LRR1: variants seen among roughly 807,000 people sequenced by gnomAD.
The protein encoded by LRR1 is leucine-rich repeat protein 1.
LRR1 carries 29 observed loss-of-function variants against 31.6 expected under a neutral mutation model. The observed-to-expected ratio is 0.92, with a 90% confidence interval of 0.68 to 1.25. The LOEUF (loss-of-function observed/expected upper bound fraction) is 1.25, where lower values mean the gene tolerates loss of function less well. Ranked by LOEUF, LRR1 falls within the 50% of genes most tolerant of loss-of-function variation. LRR1 has a pLI of 0.00. For missense variants in LRR1, 485 were observed against 487.2 expected, an observed-to-expected ratio of 1.00 and a Z score of 0.04; for synonymous variants, 179 against 181.4, an observed-to-expected ratio of 0.99 and a Z score of 0.10.
Position 49,602,442 on chromosome 14 carries a change from C to G in LRR1, c.256C>G (p.Pro86Ala), listed in dbSNP as rs183973680. The change falls in exon 2 of 4, where the codon CCT becomes GCT. Residue 86 changes from proline to alanine, a missense_variant. By Grantham distance (27) the Pro-to-Ala change is conservative. Transcript: ENST00000298288. ...GAAAGCCACTGTTCGGTTAAAGGAGCCTCCTGTGGATATCTGTCTAAGTAA... is the reference window on the plus strand; with the variant it reads ...GAAAGCCACTGTTCGGTTAAAGGAGGCTCCTGTGGATATCTGTCTAAGTAA... ...EGKATVRLKEPPVDICLSKAI... is the reference protein window; with the variant it reads ...EGKATVRLKEAPVDICLSKAI... 5.0e-5 allele frequency: 80 copies of G among 1,613,432 alleles called. No homozygotes were observed. The highest frequency in any genetic ancestry group is 1.5e-4 in the Admixed American group (9 of 59,970).
At chr14:49,599,913 C>CCAGG in intron 1 of LRR1, 1 of 1,128,564 alleles carries the variant, frequency 8.9e-7, no homozygotes. Context: ...GGCGGACCCT[C>CCAGG]CAGGCGGGCT....
intron 3 of LRR1, 54 bp downstream of exon 3, chr14:49,608,175 C>A: frequency 1.4e-6 from 2 of 1,470,188 alleles, no homozygotes; most frequent in South Asian, 1.4e-5. Context: ...TCTAATATTC[C>A]TATCAAACTC....
At chr14:49,609,702 T>C (rs1334259406) in intron 3 of LRR1, among the ~76,000 whole-genome samples, 1 of 151,654 alleles carries the variant, frequency 6.6e-6, no homozygotes, top group African/African-American at 2.4e-5. Flanking sequence ...CCACCGCGCC[T>C]GGCCTTATTT....
intron 3 of LRR1, among the ~76,000 whole-genome samples, chr14:49,611,058 G>A (rs2139551962): frequency 6.6e-6 from 1 of 152,216 alleles, no homozygotes; most frequent in South Asian, 2.1e-4. Flanking sequence ...TGCATAAAAG[G>A]AACCTGGCTC....
Position 49,607,985 on chromosome 14 carries a change from G to A in LRR1, c.868G>A (p.Glu290Lys). 6.2e-7 allele frequency: 1 copy of A among 1,614,088 alleles called. No individual in the cohort carries two copies. The highest frequency in any genetic ancestry group is 8.5e-7 in the Non-Finnish European group (1 of 1,180,006). The part of the protein sequence containing the change: ...ARNKLPFLPS[E>K]FRNLSLEYLD... ...AAATAAGCTTCCATTTTTGCCTAGT[G>A]AATTTAGAAATTTATCCCTTGAATA... The change falls in exon 3 of 4, where the codon GAA becomes AAA. Residue 290 changes from glutamate to lysine, a missense_variant. Physicochemically the swap from Glu to Lys is moderately conservative, Grantham distance 56. Transcript: ENST00000298288.
intron 3 of LRR1, among the ~76,000 whole-genome samples, chr14:49,611,958 C>T (rs1379143811): frequency 6.6e-6 from 1 of 150,616 alleles, no homozygotes. Flanking sequence ...AGAAATTGTA[C>T]ATTGTATTTA....
In LRR1 at chr14:49,602,381, C is replaced by T. The variant is rs774095671; in HGVS notation, c.195C>T (p.Asn65=). The part of the protein sequence containing the change: ...KRGTRYELRE[N]IEQFFTKFVD... Reference sequence around the variant, plus strand: ...TTGGTTTTATGCAGCTAAGGGAGAACATTGAGCAATTCTTCACCAAATTTG... The same window carrying T: ...TTGGTTTTATGCAGCTAAGGGAGAATATTGAGCAATTCTTCACCAAATTTG... Residue 65 remains asparagine, a synonymous_variant, in exon 2 of 4, where the codon AAC becomes AAT. Transcript: ENST00000298288. 16 of 1,613,254 alleles carry T rather than the reference C, an allele frequency of 9.9e-6. 1 individual carries two copies. The Admixed American group carries it at 2.7e-4, about 27-fold the overall frequency.
intron 3 of LRR1, among the ~76,000 whole-genome samples, chr14:49,613,150 T>C (rs868733882): frequency 2.0e-5 from 3 of 151,792 alleles, no homozygotes; most frequent in Middle Eastern, 3.2e-3. Context: ...CCATCCTGGC[T>C]AACATGGTGA....
rs949082776 is a variant in LRR1 at position 49,606,649 on chromosome 14, A to T, written c.283-751A>T. 6.2e-5 allele frequency among the ~76,000 whole-genome samples: 9 copies of T among 145,208 alleles called. No individual in the cohort carries two copies. The East Asian group carries it at 1.9e-3, about 30-fold the overall frequency. ...TCACTACACCTGGCCTTAAACTCAA[A>T]TTTTTTTTTTTTTTTTTTAATTTTT... On this transcript the variant is annotated intron_variant, in intron 2 of 3. Coordinates refer to ENST00000298288, the MANE Select transcript of LRR1 (RefSeq NM_152329.4).
At position 49,607,844 on chromosome 14, in the gene LRR1, G is replaced by T; in HGVS notation, c.727G>T (p.Val243Leu). 1 of 1,613,990 alleles carries T rather than the reference G, an allele frequency of 6.2e-7. No individual in the cohort carries two copies. Among genetic ancestry groups the T allele is most frequent in the Non-Finnish European group, 8.5e-7 (1 of 1,179,938 alleles). The change falls in exon 3 of 4, where the codon GTG becomes TTG. Residue 243 changes from valine (V) to leucine (L), a missense_variant. By Grantham distance (32) the Val-to-Leu change is conservative. Around this residue, in one of 3 missense-constraint regions of LRR1, gnomAD observed 210 missense variants for 200.4 expected, o/e 1.05. Coordinates refer to ENST00000298288, the MANE Select transcript of LRR1 (RefSeq NM_152329.4). ...CAAGAACAAAATCAAGGCACTCCCT[G>T]TGCAGTTTTGCCAGCTCCAGGAACT... ...LSKNKIKALP[V>L]QFCQLQELKN...
chr14:49,603,218 TG>T (rs1341395148), intron 2 of LRR1, among the ~76,000 whole-genome samples: 8 of 69,638 alleles, frequency 1.1e-4, no homozygotes, highest in African/African-American at 4.3e-4. Flanking sequence ...GACAGACTCT[TG>T]CAGGTTTTTT....
Position 49,599,203 on chromosome 14 carries a change from G to T in LRR1, c.183G>T (p.Glu61Asp). Residue 61 changes from glutamate (E) to aspartate (D), a missense_variant and splice_region_variant, in exon 1 of 4, where the codon GAG becomes GAT. Glu to Asp is a conservative substitution (Grantham distance 45). Transcript: ENST00000298288. ...AGGACAAGCGCGGGACCCGCTATGA[G>T]GTGCGTGAAGTGGGCAGGCCCTGTC... ...TLKDKRGTRY[E>D]LRENIEQFFT... The T allele has an allele frequency of 6.2e-7, 1 of 1,602,868 alleles. No individual in the cohort carries two copies. The highest frequency in any genetic ancestry group is 8.5e-7 in the Non-Finnish European group (1 of 1,175,156).
chr14:49,603,433 A>G, intron 2 of LRR1: 1 of 219,400 alleles, frequency 4.6e-6, no homozygotes, highest in Non-Finnish European at 8.1e-6. Context: ...ACCACAGGTT[A>G]CAAATCTAAG....
At chr14:49,607,262 A>G in intron 2 of LRR1, 138 bp from the exon 3 acceptor site, 1 of 980,298 alleles carries the variant, frequency 1.0e-6, no homozygotes, top group Non-Finnish European at 1.4e-6. Flanking sequence ...AAAGTACTAA[A>G]AAAAAGTTTT....
chr14:49,604,269 C>T (rs762112609), intron 2 of LRR1, among the ~76,000 whole-genome samples: 1 of 152,054 alleles, frequency 6.6e-6, no homozygotes, highest in Non-Finnish European at 1.5e-5. Flanking sequence ...TGCACCACTG[C>T]ACTCCAACCT....
At chr14:49,603,997 C>A (rs938606179) in intron 2 of LRR1, among the ~76,000 whole-genome samples, 9 of 148,744 alleles carry the variant, frequency 6.1e-5, no homozygotes, top group Admixed American at 1.3e-4. Context: ...GGACTGTAAT[C>A]ATTCTTATAA....
At chr14:49,603,522 T>C in intron 2 of LRR1, 1 of 161,680 alleles carries the variant, frequency 6.2e-6, no homozygotes, top group Non-Finnish European at 1.1e-5. Flanking sequence ...TTCTTCTTCT[T>C]CTTTTTTTTT....
At chr14:49,612,752 T>A in intron 3 of LRR1, 1 of 584,204 alleles carries the variant, frequency 1.7e-6, no homozygotes, top group Non-Finnish European at 2.2e-6. Context: ...ACCTATTATG[T>A]GCCAGCCTAA....
intron 2 of LRR1, among the ~76,000 whole-genome samples, chr14:49,606,813 C>T (rs1472893133): frequency 1.3e-5 from 2 of 150,436 alleles, no homozygotes; most frequent in Non-Finnish European, 3.0e-5. Flanking sequence ...TGCACTACCA[C>T]GCCCAGCTAA....
Sources: allele counts gnomAD v4.1 joint callset (sites outside exome capture counted in the v4.1 genomes callset), GRCh38; gene constraint gnomAD v4.1.1; regional missense constraint gnomAD v4.1.1; transcripts MANE v1.5; gene names NCBI Gene and HGNC (gene_info 2026-07-23, HGNC 2026-07-21).